The following ADGRE3 variants were observed in gnomAD, a reference collection of about 807,000 sequenced individuals.
The protein encoded by ADGRE3 is adhesion G protein-coupled receptor E3, also known as EGF-like module receptor 3.
In ADGRE3, 88 loss-of-function variants were observed where a neutral mutation model predicts 80.1. The ratio of observed to expected loss-of-function variants is 1.10; its 90% CI spans 0.93 to 1.31. ADGRE3 has a LOEUF of 1.31. Ranked by LOEUF, ADGRE3 falls within the 40% of genes most tolerant of loss-of-function variation. The pLI, the probability that ADGRE3 is intolerant of heterozygous loss-of-function variation, is 0.00. For synonymous variants in ADGRE3, 281 were observed against 294.8 expected (o/e 0.95, Z 0.48); for missense variants, 715 against 776.5 (o/e 0.92, Z 0.94).
At chr19:14,617,343 T>TC (rs527628863), downstream of ADGRE3, among the ~76,000 whole-genome samples, 7,507 of 71,140 alleles carry the variant, frequency 0.11, 333 homozygotes, top group Non-Finnish European at 0.13. Context: ...CCTCCCTCCC[T>TC]TTCTTTCTTT....
At chr19:14,638,725 G>T (rs760502869) in intron 10 of ADGRE3, among the ~76,000 whole-genome samples, 1 of 152,086 alleles carries the variant, frequency 6.6e-6, no homozygotes, top group African/African-American at 2.4e-5. Flanking sequence ...CAGATCACCA[G>T]AATTTACCCC....
chr19:14,626,516 A>C (rs550333075), intron 14 of ADGRE3, among the ~76,000 whole-genome samples: 2 of 152,214 alleles, frequency 1.3e-5, no homozygotes, highest in African/African-American at 4.8e-5. Context: ...TAGAAGTTGC[A>C]TATAATTCCT....
Position 14,654,969 on chromosome 19 carries a change from A to C in ADGRE3, c.577+13T>G. On this transcript the variant is annotated intron_variant, in intron 6 of 15. Transcript: ENST00000253673. Reference sequence around the variant, plus strand: ...CAGTCCCCAGGGTGTATCAGTCCTCATTATTGTCTTACCTACACTATCGTT... The same window carrying C: ...CAGTCCCCAGGGTGTATCAGTCCTCCTTATTGTCTTACCTACACTATCGTT... 3.1e-6 allele frequency: 5 copies of C among 1,611,472 alleles called. No homozygotes were observed. The highest frequency in any genetic ancestry group is 4.2e-6 in the Non-Finnish European group (5 of 1,178,546).
intron 11 of ADGRE3, among the ~76,000 whole-genome samples, chr19:14,636,005 CTTT>C (rs779877901): frequency 0.16 from 6,891 of 44,232 alleles, 721 homozygotes; most frequent in South Asian, 0.2. Context: ...CTCTCTTTCT[CTTT>C]CTTTCTTCCT....
At chr19:14,617,341 C>CCTCCCTCTCTCTCT, downstream of ADGRE3, among the ~76,000 whole-genome samples, 2 of 57,170 alleles carry the variant, frequency 3.5e-5, no homozygotes, top group African/African-American at 1.2e-4. Flanking sequence ...TCCCTCCCTC[C>CCTCCCTCTCTCTCT]CTTTCTTTCT....
chr19:14,610,283 CG>C, the ADGRE3 span: 1 of 1,505,248 alleles, frequency 6.6e-7, no homozygotes, highest in Non-Finnish European at 8.9e-7. Flanking sequence ...CTTGCCTCTT[CG>C]TGAGTGGACA....
At chr19:14,668,950 G>A (rs1180521820) in intron 1 of ADGRE3, 98 bp from the exon 2 acceptor site, 5 of 1,182,334 alleles carry the variant, frequency 4.2e-6, no homozygotes, top group East Asian at 4.8e-5. Flanking sequence ...CTATCACTGT[G>A]TAACAAATTA....
At chr19:14,665,938 A>ATATATATGCATACATATAT (rs1275750994) in intron 2 of ADGRE3, among the ~76,000 whole-genome samples, 1 of 76,652 alleles carries the variant, frequency 1.3e-5, no homozygotes, top group African/African-American at 6.4e-5. Context: ...ACATATGTGT[A>ATATATATGCATACATATAT]TATATATATA....
downstream of ADGRE3, among the ~76,000 whole-genome samples, chr19:14,616,828 C>G (rs2075077670): frequency 7.2e-6 from 1 of 138,338 alleles, no homozygotes; most frequent in Admixed American, 7.6e-5. Context: ...GAATTTCGCT[C>G]TTGTTGCCCA....
intron 4 of ADGRE3, among the ~76,000 whole-genome samples, chr19:14,660,712 T>C (rs1971924205): frequency 6.6e-6 from 1 of 152,186 alleles, no homozygotes; most frequent in South Asian, 2.1e-4. Context: ...TTTTCTCATA[T>C]AGACTTTCCC....
Position 14,655,014 on chromosome 19 carries a change from T to C in ADGRE3, c.545A>G (p.Gln182Arg). The change falls in exon 6 of 16, where the codon CAA (glutamine) becomes CGA (arginine). Residue 182 changes from glutamine (Q) to arginine (R), a missense_variant. By Grantham distance (43) the Gln-to-Arg change is conservative (BLOSUM62 1). Coordinates refer to ENST00000253673, the MANE Select transcript of ADGRE3 (RefSeq NM_032571.5). ...ATCGTTTTGGATTTTCAGGACTTTT[T>C]GTTCTGGATCTTTCAAGGCAGTTTC... The part of the protein sequence containing the change: ...VLETALKDPE[Q>R]KVLKIQNDSV... 1 of 1,614,114 alleles carries C rather than the reference T, an allele frequency of 6.2e-7. No homozygotes were observed. The highest frequency in any genetic ancestry group is 8.5e-7 in the Non-Finnish European group (1 of 1,179,998).
At chr19:14,662,489 G>A (rs931134054) in intron 3 of ADGRE3, among the ~76,000 whole-genome samples, 3 of 152,078 alleles carry the variant, frequency 2.0e-5, no homozygotes, top group African/African-American at 7.2e-5. Context: ...GAGTTCAAGC[G>A]ATTCTCCTGC....
chr19:14,661,905 AAAC>A (rs1341111931), intron 4 of ADGRE3, 55 bp downstream of exon 4: 1 of 1,576,134 alleles, frequency 6.3e-7, no homozygotes, highest in African/African-American at 1.4e-5. Flanking sequence ...AAAACAAAAC[AAAC>A]AAACAAAAAA....
chr19:14,649,634 C>T (rs932246280), intron 7 of ADGRE3, among the ~76,000 whole-genome samples: 2 of 116,140 alleles, frequency 1.7e-5, no homozygotes, highest in African/African-American at 3.5e-5. Context: ...CTCCATCTCT[C>T]CCTCCCCATC....
At chr19:14,673,979 G>A (rs117410738) in intron 1 of ADGRE3, among the ~76,000 whole-genome samples, 8 of 152,150 alleles carry the variant, frequency 5.3e-5, no homozygotes, top group Non-Finnish European at 1.2e-4. Flanking sequence ...AAGAACATGA[G>A]GCATTTGTCT....
intron 13 of ADGRE3, 152 bp from the exon 14 acceptor site, chr19:14,630,359 G>T: frequency 2.1e-6 from 1 of 469,936 alleles, no homozygotes; most frequent in Non-Finnish European, 3.6e-6. Flanking sequence ...TCTTGTGAAA[G>T]CTGCTTTACC....
chr19:14,635,659 C>A (rs557352560), intron 11 of ADGRE3, among the ~76,000 whole-genome samples: 1 of 151,960 alleles, frequency 6.6e-6, no homozygotes, highest in Non-Finnish European at 1.5e-5. Flanking sequence ...GTCATCCACC[C>A]GCCTCAGCCT....
At chr19:14,666,246 C>T (rs917348235) in intron 2 of ADGRE3, among the ~76,000 whole-genome samples, 2 of 151,696 alleles carry the variant, frequency 1.3e-5, no homozygotes, top group Non-Finnish European at 2.9e-5. Flanking sequence ...CTTTTCACTA[C>T]ATCAAAGCCA....
chr19:14,623,291 AAAAAAAAT>A (rs1214766977), intron 15 of ADGRE3, among the ~76,000 whole-genome samples: 1 of 22,078 alleles, frequency 4.5e-5, no homozygotes, highest in East Asian at 8.5e-4. Context: ...TACTTAAAAA[AAAAAAAAT>A]AAAAAAAAAA....
Sources: gnomAD v4.1 joint callset for allele counts (sites outside exome capture counted in the v4.1 genomes callset) on GRCh38, gnomAD v4.1.1 for gene constraint, MANE v1.5 for transcripts, NCBI Gene and HGNC (gene_info 2026-07-23, HGNC 2026-07-21) for gene names.